Variants in PSTPIP2 observed in about 807,000 individuals in gnomAD.
The protein encoded by PSTPIP2 is proline-serine-threonine phosphatase interacting protein 2, also known as proline-serine-threonine phosphatase-interacting protein 2.
Under a neutral mutation model 63.3 loss-of-function variants are expected in PSTPIP2, and 33 were observed. The observed-to-expected ratio is 0.52, with a 90% CI of 0.40 to 0.70. The LOEUF is 0.70. Ranked by LOEUF, PSTPIP2 falls within the 30% of genes least tolerant of loss-of-function variation. The pLI is 0.00. For missense variants in PSTPIP2, 312 were observed against 400.7 expected (o/e 0.78, Z 1.89); for synonymous variants, 125 against 132.7 (o/e 0.94, Z 0.40).
intron 1 of PSTPIP2, among the ~76,000 whole-genome samples, chr18:46,062,208 C>T (rs1422206825): frequency 6.6e-6 from 1 of 152,158 alleles, no homozygotes; most frequent in Non-Finnish European, 1.5e-5. Context: ...GCCTTCCAGC[C>T]TTGTGCCACA....
intron 5 of PSTPIP2, 150 bp from the exon 6 acceptor site, chr18:46,005,681 T>C (rs12456882): frequency 1.5e-6 from 1 of 680,870 alleles, no homozygotes; most frequent in Non-Finnish European, 2.4e-6. Flanking sequence ...GACCAAACAA[T>C]TTGCCTAAGC....
At chr18:46,020,362 C>A (rs1907301591) in intron 3 of PSTPIP2, among the ~76,000 whole-genome samples, 1 of 152,148 alleles carries the variant, frequency 6.6e-6, no homozygotes, top group Admixed American at 6.6e-5. Context: ...CCTGGATAAG[C>A]AAAATCATCT....
chr18:46,035,752 G>T (rs2144106929), intron 2 of PSTPIP2, among the ~76,000 whole-genome samples: 1 of 152,216 alleles, frequency 6.6e-6, no homozygotes, highest in East Asian at 1.9e-4. Context: ...TAAACACAGG[G>T]GTTGTATGAG....
intron 2 of PSTPIP2, 53 bp downstream of exon 2, chr18:46,039,894 G>C (rs990662650): frequency 9.1e-6 from 13 of 1,427,426 alleles, no homozygotes; most frequent in African/African-American, 2.8e-5. Flanking sequence ...TTCCTTGTCT[G>C]TGTGGAGACA....
At chr18:46,057,430 C>T (rs565834054) in intron 1 of PSTPIP2, among the ~76,000 whole-genome samples, 70 of 151,778 alleles carry the variant, frequency 4.6e-4, no homozygotes, top group African/African-American at 1.6e-3. Context: ...CAGGTTCAAG[C>T]GATTCTTCTG....
chr18:46,058,350 G>GTT (rs149865056), intron 1 of PSTPIP2, among the ~76,000 whole-genome samples: 2 of 150,998 alleles, frequency 1.3e-5, no homozygotes, highest in South Asian at 4.2e-4. Flanking sequence ...TATATTCCTA[G>GTT]TTTTTTTTTG....
intron 6 of PSTPIP2, among the ~76,000 whole-genome samples, chr18:46,002,351 A>G (rs778320007): frequency 6.6e-6 from 1 of 152,156 alleles, no homozygotes; most frequent in Non-Finnish European, 1.5e-5. Context: ...CTCACCTTTT[A>G]GTATCACAGA....
intron 3 of PSTPIP2, among the ~76,000 whole-genome samples, chr18:46,022,489 C>G (rs1250608568): frequency 6.6e-6 from 1 of 152,152 alleles, no homozygotes; most frequent in Non-Finnish European, 1.5e-5. Flanking sequence ...ACCTCCTTCT[C>G]TAAACCCTCC....
chr18:45,987,632 A>G (rs1006101088), intron 14 of PSTPIP2, among the ~76,000 whole-genome samples: 1 of 152,234 alleles, frequency 6.6e-6, no homozygotes, highest in Admixed American at 6.5e-5. Flanking sequence ...CTATTTAGGA[A>G]TATATCTCTT....
intron 2 of PSTPIP2, among the ~76,000 whole-genome samples, chr18:46,032,722 C>G (rs1907825569): frequency 7.8e-6 from 1 of 128,770 alleles, no homozygotes; most frequent in Non-Finnish European, 1.5e-5. Flanking sequence ...CCATTGCACT[C>G]TAGCTTAGGC....
At chr18:46,018,186 C>T (rs983234006) in intron 3 of PSTPIP2, among the ~76,000 whole-genome samples, 1 of 152,026 alleles carries the variant, frequency 6.6e-6, no homozygotes, top group East Asian at 1.9e-4. Flanking sequence ...ACAGTCTTTG[C>T]ATGTCTAATT....
chr18:45,999,572 A>G (rs1442441697), intron 6 of PSTPIP2, 38 bp from the exon 7 acceptor site: 8 of 1,607,366 alleles, frequency 5.0e-6, no homozygotes, highest in African/African-American at 1.3e-5. Context: ...AAACAAATGA[A>G]CAGAGTGTAA....
At chr18:46,008,368 G>C (rs547913965) in intron 5 of PSTPIP2, among the ~76,000 whole-genome samples, 59 of 151,844 alleles carry the variant, frequency 3.9e-4, no homozygotes, top group African/African-American at 1.4e-3. Context: ...GCCCAGGCTG[G>C]AGTGCAGTGG....
intron 1 of PSTPIP2, among the ~76,000 whole-genome samples, chr18:46,050,387 T>A (rs114000884): frequency 2.0e-5 from 3 of 151,964 alleles, no homozygotes; most frequent in Admixed American, 6.6e-5. Context: ...CTAAGAAACA[T>A]GGCAAAACCC....
In PSTPIP2 at chr18:45,987,982, T is replaced by G. The variant is rs2051484904; in HGVS notation, c.*8+720A>C. 3.3e-5 allele frequency among the ~76,000 whole-genome samples: 5 copies of G among 152,206 alleles called. No individual in the cohort carries two copies. In the South Asian group the frequency reaches 1.0e-3, roughly 31 times the overall value. Reference sequence around the variant, plus strand: ...CCTTGTGTGTATAATGAGTGTGATATCATTTGCACTTCTTTTTATTTGACT... The same window carrying G: ...CCTTGTGTGTATAATGAGTGTGATAGCATTTGCACTTCTTTTTATTTGACT... On this transcript the variant is annotated intron_variant, in intron 14 of 14. Coordinates refer to ENST00000409746, the MANE Select transcript of PSTPIP2 (RefSeq NM_024430.4).
At chr18:46,028,254 A>T (rs754145070) in intron 2 of PSTPIP2, 11 of 412,752 alleles carry the variant, frequency 2.7e-5, no homozygotes, top group Non-Finnish European at 5.2e-5. Flanking sequence ...TGAGGAGCCG[A>T]ATGAAACTGC....
chr18:45,994,304 A>C (rs184766007), intron 9 of PSTPIP2, among the ~76,000 whole-genome samples: 10 of 152,366 alleles, frequency 6.6e-5, no homozygotes, highest in Admixed American at 3.3e-4. Context: ...TGGATGTGAT[A>C]CATCAGTGTA....
At chr18:46,060,888 C>T (rs1384330168) in intron 1 of PSTPIP2, among the ~76,000 whole-genome samples, 1 of 152,226 alleles carries the variant, frequency 6.6e-6, no homozygotes, top group Non-Finnish European at 1.5e-5. Flanking sequence ...CTCTATAGTA[C>T]TCTATCCTTG....
chr18:46,039,654 G>T (rs1050255329), intron 2 of PSTPIP2, among the ~76,000 whole-genome samples: 2 of 151,892 alleles, frequency 1.3e-5, no homozygotes, highest in Non-Finnish European at 2.9e-5. Context: ...TTCCTCAGCA[G>T]TCTAAAAGCT....
Sources: gnomAD v4.1 joint callset for allele counts (sites outside exome capture counted in the v4.1 genomes callset) on GRCh38, gnomAD v4.1.1 for gene constraint, MANE v1.5 for transcripts, NCBI Gene and HGNC (gene_info 2026-07-23, HGNC 2026-07-21) for gene names.